The following DMD variants were observed in gnomAD, a reference collection of about 807,000 sequenced individuals.
DMD encodes the protein dystrophin.
In DMD, 63 loss-of-function variants were observed where a neutral mutation model predicts 330.1. That is an observed-to-expected ratio of 0.19 (90% confidence interval 0.16 to 0.24). The LOEUF is 0.24. Among genes scored for constraint, DMD ranks in the 10% least tolerant of loss-of-function variants. The pLI is 1.00. For missense variants in DMD, 3,344 were observed against 2,684.1 expected (o/e 1.25, Z -5.43); for synonymous variants, 1,223 against 959.8 (o/e 1.27, Z -5.07).
chrX:31,253,698 T>C (rs1038871964), intron 63 of DMD, among the ~76,000 whole-genome samples: 1 of 111,925 alleles, frequency 8.9e-6, no homozygotes, highest in African/African-American at 3.2e-5. Flanking sequence ...AGGACTTAAC[T>C]AGTTCTCCTA....
intron 7 of DMD, among the ~76,000 whole-genome samples, chrX:32,745,189 A>T (rs1210253498): frequency 1.8e-5 from 2 of 112,526 alleles, no homozygotes; most frequent in African/African-American, 6.5e-5. Flanking sequence ...AGAAAGAGAA[A>T]GAGGAAATGT....
At chrX:32,066,178 C>T (rs1332602252) in intron 44 of DMD, among the ~76,000 whole-genome samples, 2 of 111,498 alleles carry the variant, frequency 1.8e-5, no homozygotes, top group Non-Finnish European at 3.8e-5. Context: ...TGGGGCAAAA[C>T]CTCTGCACTA....
At chrX:33,105,964 T>A (rs1269532210) in intron 1 of DMD, among the ~76,000 whole-genome samples, 1 of 110,179 alleles carries the variant, frequency 9.1e-6, no homozygotes, top group Non-Finnish European at 1.9e-5. Context: ...AAAAGGCACC[T>A]GCATACATAT....
chrX:32,656,344 T>C (rs1373152142), intron 9 of DMD, among the ~76,000 whole-genome samples: 3 of 111,730 alleles, frequency 2.7e-5, no homozygotes, highest in Non-Finnish European at 5.6e-5. Context: ...AACAGGACTA[T>C]GGATCCCTGA....
chrX:32,206,754 A>C, intron 44 of DMD: 1 of 454,819 alleles, frequency 2.2e-6, no homozygotes, highest in Non-Finnish European at 4.0e-6. Flanking sequence ...TAGTTTAAAC[A>C]ATTTGTTAAA....
rs1213373678 is a variant in DMD, at chrX:32,261,251, GT to G, written c.6290+26277del. On this transcript the variant is annotated intron_variant, in intron 43 of 78. Transcript: ENST00000357033. The stretch of plus-strand genomic sequence containing the variant: ...ACTGAAGGTTCCTGTGCTGGGAAAT[GT>G]GAAGCAGGAGTGCTGCTTCAGAAAG... Among the ~76,000 whole-genome samples, 3 of 111,946 alleles carry G rather than the reference GT, an allele frequency of 2.7e-5. No individual in the cohort carries two copies. In the Admixed American group the frequency reaches 2.9e-4, roughly 11 times the overall value.
At chrX:33,287,593 T>C (rs762240590) in intron 1 of DMD, among the ~76,000 whole-genome samples, 2 of 111,729 alleles carry the variant, frequency 1.8e-5, no homozygotes, top group East Asian at 2.8e-4. Flanking sequence ...ATACCCATAC[T>C]AGCTGCTTAA....
intron 2 of DMD, among the ~76,000 whole-genome samples, chrX:32,869,176 G>C (rs912092919): frequency 9.0e-6 from 1 of 111,141 alleles, no homozygotes; most frequent in Admixed American, 9.6e-5. Context: ...AGAGGGACCT[G>C]TTAAAAAAGC....
At chrX:32,510,168 C>G (rs975279664) in intron 18 of DMD, among the ~76,000 whole-genome samples, 4 of 112,013 alleles carry the variant, frequency 3.6e-5, no homozygotes, top group Non-Finnish European at 5.6e-5. Context: ...ATGGTCTGAT[C>G]TTAATTAACT....
At chrX:32,571,288 T>C (rs141836122) in intron 15 of DMD, among the ~76,000 whole-genome samples, 2 of 112,275 alleles carry the variant, frequency 1.8e-5, no homozygotes, top group Non-Finnish European at 3.8e-5. Context: ...AGGAATATTC[T>C]GCTTTAAGGA....
chrX:31,348,713 A>G, intron 60 of DMD, 79 bp from the exon 61 acceptor site: 1 of 892,917 alleles, frequency 1.1e-6, no homozygotes, highest in Non-Finnish European at 1.6e-6. Flanking sequence ...CCTTTCTGAT[A>G]AGATACTTTG....
intron 44 of DMD, among the ~76,000 whole-genome samples, chrX:32,011,633 C>T (rs1475939): frequency 0.052 from 5,791 of 111,455 alleles, 289 homozygotes; most frequent in East Asian, 0.27. Context: ...CATCCTCCTC[C>T]TGTGGTTGCA....
intron 1 of DMD, among the ~76,000 whole-genome samples, chrX:33,223,860 C>A: frequency 8.9e-6 from 1 of 111,733 alleles, no homozygotes; most frequent in South Asian, 3.8e-4. Flanking sequence ...CCAAAATATA[C>A]AAAGAACTGT....
Position 32,400,191 on chromosome X carries a change from C to T in DMD, c.4234-10010G>A, listed in dbSNP as rs78117161. On this transcript the variant is annotated intron_variant, in intron 30 of 78. Coordinates refer to ENST00000357033, the MANE Select transcript of DMD (RefSeq NM_004006.3). ...AAGCGTTGTTGAATTTTGTCAAAGG[C>T]TTTTTCTGCATCTATTGAGATAATC... Among the ~76,000 whole-genome samples the T allele has an allele frequency of 9.9e-3, 1,106 of 111,688 alleles. 6 individuals are homozygous for T. Among genetic ancestry groups the T allele is most frequent in the Non-Finnish European group, 0.014 (718 of 53,096 alleles).
At chrX:32,489,235 T>C (rs2042761326) in intron 20 of DMD, among the ~76,000 whole-genome samples, 1 of 110,714 alleles carries the variant, frequency 9.0e-6, no homozygotes, top group African/African-American at 3.3e-5. Context: ...CTGAATTGTG[T>C]CTTCCAAAAT....
chrX:31,583,894 G>T (rs1264506911), intron 55 of DMD, among the ~76,000 whole-genome samples: 1 of 98,465 alleles, frequency 1.0e-5, no homozygotes, highest in East Asian at 3.4e-4. Flanking sequence ...ATCTCCAAAT[G>T]CTATCCCTCC....
chrX:33,147,480 T>C (rs894708233), intron 1 of DMD, among the ~76,000 whole-genome samples: 2 of 112,353 alleles, frequency 1.8e-5, no homozygotes, highest in Non-Finnish European at 3.8e-5. Flanking sequence ...TACATTTTAC[T>C]GGGCTAGTAA....
At position 32,302,889 on chromosome X, in the gene DMD, T is replaced by C. The variant is rs926803406; in HGVS notation, c.6117+7193A>G. 9.9e-5 allele frequency among the ~76,000 whole-genome samples: 11 copies of C among 111,217 alleles called. No homozygotes were observed. In the Admixed American group the frequency reaches 1.1e-3, roughly 11 times the overall value. On this transcript the variant is annotated intron_variant, in intron 42 of 78. Coordinates refer to ENST00000357033, the MANE Select transcript of DMD (RefSeq NM_004006.3). ...TTAAAAAACAGGCCTAAATATCTTA[T>C]GTTACTTGCCCAAGGGTACAACTAT...
chrX:32,763,631 A>G (rs16990658), intron 7 of DMD, among the ~76,000 whole-genome samples: 8,048 of 111,914 alleles, frequency 0.072, 581 homozygotes, highest in African/African-American at 0.22. Flanking sequence ...TCACAATCAC[A>G]TTAATGACTC....
Sources: gnomAD v4.1 joint callset for allele counts (sites outside exome capture counted in the v4.1 genomes callset) on GRCh38, gnomAD v4.1.1 for gene constraint, MANE v1.5 for transcripts, NCBI Gene and HGNC (gene_info 2026-07-23, HGNC 2026-07-21) for gene names.